MICU2: variants seen among roughly 807,000 people sequenced by gnomAD.
MICU2 encodes mitochondrial calcium uptake 2.
Under a neutral mutation model 60.4 loss-of-function variants are expected in MICU2, and 64 were observed. The ratio of observed to expected loss-of-function variants is 1.06; its 90% CI spans 0.87 to 1.31. MICU2 has a LOEUF of 1.31. Among genes scored for constraint, MICU2 ranks in the 50% most tolerant of loss-of-function variants. The pLI, the probability that MICU2 is intolerant of heterozygous loss-of-function variation, is 0.00. For synonymous variants in MICU2, 201 were observed against 175.0 expected, an observed-to-expected ratio of 1.15 and a Z score of -1.17; for missense variants, 569 against 531.0, an observed-to-expected ratio of 1.07 and a Z score of -0.70.
At chr13:21,539,785 C>A in intron 2 of MICU2, 97 bp from the exon 3 acceptor site, 1 of 1,099,924 alleles carries the variant, frequency 9.1e-7, no homozygotes, top group Non-Finnish European at 1.3e-6. Flanking sequence ...AAACAAACAA[C>A]TAAATATTTA....
intron 2 of MICU2, among the ~76,000 whole-genome samples, chr13:21,565,429 G>A (rs1459587935): frequency 6.6e-6 from 1 of 152,112 alleles, no homozygotes. Context: ...AGGCCGGGGA[G>A]GGTGGATCAC....
At chr13:21,525,253 T>C (rs1451848125) in intron 4 of MICU2, among the ~76,000 whole-genome samples, 1 of 132,880 alleles carries the variant, frequency 7.5e-6, no homozygotes, top group South Asian at 2.7e-4. Flanking sequence ...AGTGCAGTGG[T>C]GCGATCTCGG....
At chr13:21,513,739 C>CAAAAAAAAAA (rs376128312) in intron 7 of MICU2, among the ~76,000 whole-genome samples, 2 of 59,108 alleles carry the variant, frequency 3.4e-5, no homozygotes, top group Admixed American at 3.3e-4. Context: ...GACTCTGTCT[C>CAAAAAAAAAA]AAAAAAAAAA....
At chr13:21,497,620 G>A (rs1477210931) in intron 9 of MICU2, among the ~76,000 whole-genome samples, 1 of 152,160 alleles carries the variant, frequency 6.6e-6, no homozygotes, top group African/African-American at 2.4e-5. Context: ...TTAGGCAGAA[G>A]GATCCCTTGA....
chr13:21,603,654 C>G (rs1888878040), intron 1 of MICU2: 2 of 517,244 alleles, frequency 3.9e-6, no homozygotes, highest in Admixed American at 7.4e-5. Context: ...CTCATCACCA[C>G]TAAATTAGTG....
At chr13:21,541,733 A>G (rs1446547206) in intron 2 of MICU2, among the ~76,000 whole-genome samples, 3 of 152,150 alleles carry the variant, frequency 2.0e-5, no homozygotes, top group Non-Finnish European at 2.9e-5. Context: ...GACAGTAGTA[A>G]AAAGAGCCTG....
chr13:21,539,594 G>C lies in MICU2; in HGVS notation c.390+63C>G, dbSNP rs373155264. ...ATTACAGGTGTGAGCCACCGTGCCC[G>C]GCCAAAAGTTCATTTTCTATCTTAC... On this transcript the variant is annotated intron_variant, in intron 3 of 11. Coordinates refer to ENST00000382374, the MANE Select transcript of MICU2 (RefSeq NM_152726.3). The C allele has an allele frequency of 4.4e-6, 7 of 1,605,658 alleles. No homozygotes were observed. The Admixed American group carries it at 6.7e-5, about 15-fold the overall frequency.
rs77274986 is a variant in MICU2 at position 21,586,530 on chromosome 13, G to A, written c.210+17409C>T. ...TCAAGAGATCCTTCCACGTCAGCCT[G>A]TCAAAGAGCTGGGACTACAGATGCA... On this transcript the variant is annotated intron_variant, in intron 1 of 11. Transcript: ENST00000382374. Among the ~76,000 whole-genome samples the A allele has an allele frequency of 3.7e-3, 561 of 152,110 alleles. 25 individuals carry two copies. In the East Asian group the frequency reaches 0.093, roughly 25 times the overall value.
At chr13:21,533,548 C>T (rs573817430) in intron 4 of MICU2, among the ~76,000 whole-genome samples, 41 of 152,158 alleles carry the variant, frequency 2.7e-4, no homozygotes, top group African/African-American at 9.6e-4. Context: ...TGGTCTCGAT[C>T]CCCTGACCTC....
rs1887215388 is a variant in MICU2 at position 21,539,306 on chromosome 13, A to T, written c.462T>A (p.Asp154Glu). 6.2e-7 allele frequency: 1 copy of T among 1,613,534 alleles called. No individual in the cohort carries two copies. Among genetic ancestry groups the T allele is most frequent in the East Asian group, 2.2e-5 (1 of 44,878 alleles). The part of the protein sequence containing the change: ...CGSTFFRDLG[D>E]KGLISYTEYL... ...TTAACAACAAACCAAAATTACCTTT[A>T]TCGCCAAGGTCTCTGAAAAAAGTTG... The change falls in exon 4 of 12, where the codon GAT becomes GAA. Residue 154 changes from aspartate (D) to glutamate (E), a missense_variant. Physicochemically the swap from Asp to Glu is conservative, Grantham distance 45. Transcript: ENST00000382374.
chr13:21,502,600 A>G (rs77375678), intron 9 of MICU2, among the ~76,000 whole-genome samples: 7,335 of 152,264 alleles, frequency 0.048, 583 homozygotes, highest in African/African-American at 0.17. Context: ...AAAGACAACT[A>G]CTACCCCCTT....
chr13:21,559,331 G>C (rs1288094054), intron 2 of MICU2, among the ~76,000 whole-genome samples: 2 of 152,166 alleles, frequency 1.3e-5, no homozygotes, highest in Non-Finnish European at 2.9e-5. Flanking sequence ...GGACAGTTGA[G>C]TTGTTTCCAG....
At chr13:21,575,376 C>G (rs188381368) in intron 1 of MICU2, among the ~76,000 whole-genome samples, 319 of 151,030 alleles carry the variant, frequency 2.1e-3, no homozygotes, top group African/African-American at 7.5e-3. Context: ...ACATATATTT[C>G]TGTCTCTGTT....
At chr13:21,552,747 C>T (rs1175260350) in intron 2 of MICU2, among the ~76,000 whole-genome samples, 2 of 152,002 alleles carry the variant, frequency 1.3e-5, no homozygotes, top group Non-Finnish European at 2.9e-5. Flanking sequence ...TGTAGATAGG[C>T]GGCATTATTT....
rs186603558 is a variant in MICU2 at position 21,539,584 on chromosome 13, C to T, written c.390+73G>A. The T allele has an allele frequency of 2.8e-3, 4,392 of 1,588,130 alleles. 9 individuals are homozygous for T. The highest frequency in any genetic ancestry group is 3.4e-3 in the Non-Finnish European group (3,944 of 1,157,056). ...AAGTGCTGGGATTACAGGTGTGAGC[C>T]ACCGTGCCCGGCCAAAAGTTCATTT... On this transcript the variant is annotated intron_variant, in intron 3 of 11. Coordinates refer to ENST00000382374, the MANE Select transcript of MICU2 (RefSeq NM_152726.3).
At chr13:21,515,104 C>A (rs549557801) in intron 6 of MICU2, among the ~76,000 whole-genome samples, 1 of 102,742 alleles carries the variant, frequency 9.7e-6, no homozygotes, top group Non-Finnish European at 1.9e-5. Flanking sequence ...TTTTTTGAGA[C>A]GGAGTCTCGC....
chr13:21,549,115 G>C (rs1487695466), intron 2 of MICU2, among the ~76,000 whole-genome samples: 1 of 151,490 alleles, frequency 6.6e-6, no homozygotes, highest in East Asian at 1.9e-4. Context: ...ATTTTTAGTA[G>C]AGACGGGGTT....
intron 11 of MICU2, 26 bp from the exon 12 acceptor site, chr13:21,493,379 G>T: frequency 1.3e-6 from 2 of 1,508,348 alleles, no homozygotes; most frequent in South Asian, 1.2e-5. Context: ...AAAAATCAAG[G>T]GGTCATTGTC....
intron 1 of MICU2, among the ~76,000 whole-genome samples, chr13:21,599,007 C>G (rs372547834): frequency 6.4e-4 from 97 of 152,264 alleles, no homozygotes; most frequent in Middle Eastern, 3.4e-3. Context: ...CCTGTCAGAT[C>G]AGTAGCATTA....
Sources: gnomAD v4.1 joint callset for allele counts (sites outside exome capture counted in the v4.1 genomes callset) on GRCh38, gnomAD v4.1.1 for gene constraint, MANE v1.5 for transcripts, NCBI Gene and HGNC (gene_info 2026-07-23, HGNC 2026-07-21) for gene names.